EML6: variants seen among roughly 807,000 people sequenced by gnomAD.
EML6 encodes the protein echinoderm microtubule-associated protein-like 6.
A neutral mutation model predicts 240.1 loss-of-function variants in EML6; 154 were observed. The ratio of observed to expected loss-of-function variants is 0.64; its 90% CI spans 0.56 to 0.73. The LOEUF is 0.73. EML6 is among the 30% of genes least tolerant of loss of function. The pLI is 0.00. For missense variants in EML6, 2,964 were observed against 2,474.6 expected, an observed-to-expected ratio of 1.20 and a Z score of -4.20; for synonymous variants, 1,148 against 899.0, an observed-to-expected ratio of 1.28 and a Z score of -4.95.
intron 2 of EML6, among the ~76,000 whole-genome samples, chr2:54,790,933 G>A (rs1669411093): frequency 6.6e-6 from 1 of 151,772 alleles, no homozygotes; most frequent in South Asian, 2.1e-4. Flanking sequence ...CACCATGTTA[G>A]CCAGGATGGT....
At chr2:54,859,241 C>G (rs1161831781) in intron 11 of EML6, among the ~76,000 whole-genome samples, 17 of 152,132 alleles carry the variant, frequency 1.1e-4, no homozygotes. Context: ...GATGTTCATT[C>G]TCTGTCATTT....
Position 54,911,172 on chromosome 2 carries a change from C to G in EML6, c.3498+130C>G, listed in dbSNP as rs568385353. ...ATACCTTTAAGTTTGATCGTGTCTTCAATCTGATTGCTTAATCTGGTTTCC... is the reference window on the plus strand; with the variant it reads ...ATACCTTTAAGTTTGATCGTGTCTTGAATCTGATTGCTTAATCTGGTTTCC... On this transcript the variant is annotated intron_variant, in intron 25 of 41. Transcript: ENST00000356458. 2.8e-4 allele frequency: 145 copies of G among 521,396 alleles called. 3 individuals are homozygous for G. Among genetic ancestry groups the G allele is most frequent in the African/African-American group, 2.7e-3 (141 of 53,104 alleles). 32.3% of individuals were successfully genotyped at this position (521,396 alleles called of 1,614,324 possible).
Position 54,892,508 on chromosome 2 carries a change from C to T in EML6, c.2594C>T (p.Thr865Ile), listed in dbSNP as rs1558657352. 4 of 1,551,408 alleles carry T rather than the reference C, an allele frequency of 2.6e-6. No homozygotes were observed. Among genetic ancestry groups the T allele is most frequent in the Non-Finnish European group, 2.6e-6 (3 of 1,146,768 alleles). Residue 865 changes from threonine to isoleucine, a missense_variant, in exon 19 of 42, where the codon ACA becomes ATA. Physicochemically the swap from Thr to Ile is moderately conservative, Grantham distance 89 (BLOSUM62 -1). Transcript: ENST00000356458. ...GTFGSVGKLE[T>I]MMCVSYGRME... ...TTTGGAAGCGTTGGAAAATTGGAAACAATGATGTGTGTTTCTTACGGACGA... is the reference window on the plus strand; with the variant it reads ...TTTGGAAGCGTTGGAAAATTGGAAATAATGATGTGTGTTTCTTACGGACGA...
At chr2:54,833,091 C>T (rs1194174330) in intron 7 of EML6, among the ~76,000 whole-genome samples, 1 of 152,168 alleles carries the variant, frequency 6.6e-6, no homozygotes, top group Non-Finnish European at 1.5e-5. Flanking sequence ...TAATCATGGC[C>T]ACGGCCCAGT....
At chr2:54,836,443 T>C (rs1669147398) in intron 7 of EML6, among the ~76,000 whole-genome samples, 1 of 152,196 alleles carries the variant, frequency 6.6e-6, no homozygotes, top group African/African-American at 2.4e-5. Flanking sequence ...AAGAAATCTT[T>C]CCTATGAATT....
intron 26 of EML6, 26 bp downstream of exon 26, chr2:54,916,961 A>C: frequency 6.7e-7 from 1 of 1,500,614 alleles, no homozygotes; most frequent in Non-Finnish European, 9.1e-7. Flanking sequence ...TATTATCTTT[A>C]CTTGCTCAGT....
At chr2:54,911,819 T>C (rs1377795524) in intron 25 of EML6, among the ~76,000 whole-genome samples, 1 of 152,224 alleles carries the variant, frequency 6.6e-6, no homozygotes, top group Non-Finnish European at 1.5e-5. Flanking sequence ...CCATGTTTCC[T>C]CATGTCCTTA....
intron 2 of EML6, among the ~76,000 whole-genome samples, chr2:54,799,446 A>G (rs1023610866): frequency 5.3e-5 from 8 of 151,718 alleles, no homozygotes; most frequent in Non-Finnish European, 8.8e-5. Flanking sequence ...CCCTGATTCA[A>G]GCGATTCTCC....
chr2:54,737,689 C>T (rs994451639), intron 2 of EML6, among the ~76,000 whole-genome samples: 2 of 152,286 alleles, frequency 1.3e-5, no homozygotes, highest in Admixed American at 1.3e-4. Context: ...AACACAGCAG[C>T]CAGAGTTATC....
intron 26 of EML6, among the ~76,000 whole-genome samples, chr2:54,927,456 A>G (rs1674614753): frequency 6.6e-6 from 1 of 152,228 alleles, no homozygotes; most frequent in Non-Finnish European, 1.5e-5. Context: ...GTGGCCTTCC[A>G]TATTCTGTAA....
chr2:54,819,646 C>T (rs575338970), intron 4 of EML6, among the ~76,000 whole-genome samples: 26 of 151,884 alleles, frequency 1.7e-4, no homozygotes, highest in South Asian at 4.2e-4. Context: ...CGTGGTGGCA[C>T]GCGCCTGTAG....
intron 12 of EML6, 140 bp downstream of exon 12, chr2:54,859,841 G>A (rs1189296163): frequency 1.5e-6 from 1 of 683,574 alleles, no homozygotes; most frequent in East Asian, 3.1e-5. Flanking sequence ...TTTAAGATAA[G>A]AAGAAACTTT....
At chr2:54,829,224 A>G in intron 6 of EML6, 118 bp from the exon 7 acceptor site, 1 of 903,584 alleles carries the variant, frequency 1.1e-6, no homozygotes, top group South Asian at 1.9e-5. Context: ...TCAATAGAGA[A>G]CAAAGGGGTT....
intron 21 of EML6, among the ~76,000 whole-genome samples, chr2:54,896,537 T>A (rs1319136476): frequency 6.6e-6 from 1 of 152,122 alleles, no homozygotes; most frequent in East Asian, 1.9e-4. Context: ...CCTGCCCAGT[T>A]TGGTGATGGA....
At chr2:54,869,435 T>C in intron 15 of EML6, 68 bp downstream of exon 15, 5 of 1,219,764 alleles carry the variant, frequency 4.1e-6, no homozygotes, top group South Asian at 3.1e-5. Context: ...AGTTTACATA[T>C]TAGAAATTCA....
At position 54,961,188 on chromosome 2, in the gene EML6, T is replaced by TTTTTTTTTTTTGTTTTTTTTTTTTG. The variant is rs1558729603; in HGVS notation, c.4968+865_4968+866insGTTTTTTTTTTTTGTTTTTTTTTTT. ...CCTGGAAGTTATCAGGAAGTAGTTTTTTTTTTTTTTTTTTTGAGACGGAGT... is the reference window on the plus strand; with the variant it reads ...CCTGGAAGTTATCAGGAAGTAGTTTTTTTTTTTTTTTGTTTTTTTTTTTTGTTTTTTTTTTTTTTTGAGACGGAGT... On this transcript the variant is annotated intron_variant, in intron 35 of 41. Coordinates refer to ENST00000356458, the MANE Select transcript of EML6 (RefSeq NM_001039753.4). 3.2e-4 allele frequency among the ~76,000 whole-genome samples: 34 copies of TTTTTTTTTTTTGTTTTTTTTTTTTG among 106,722 alleles called. 6 individuals carry two copies. The highest frequency in any genetic ancestry group is 7.0e-4 in the Admixed American group (7 of 9,974). 70.0% of individuals were successfully genotyped at this position (106,722 alleles called of 152,430 possible).
At chr2:54,864,079 T>G (rs1448874411) in intron 13 of EML6, among the ~76,000 whole-genome samples, 190 bp downstream of exon 13, 1 of 152,188 alleles carries the variant, frequency 6.6e-6, no homozygotes, top group Non-Finnish European at 1.5e-5. Flanking sequence ...CCATTAAAAT[T>G]TATTTCAGCA....
chr2:54,816,901 A>G lies in EML6; in HGVS notation c.456+16A>G. On this transcript the variant is annotated intron_variant, in intron 4 of 41. Coordinates refer to ENST00000356458, the MANE Select transcript of EML6 (RefSeq NM_001039753.4). ...TTCTGACAGGGTAAGAACTTGTTGG[A>G]TCAAGCTATGCAGATTTCAGAACTT... is the stretch of plus-strand genomic sequence containing the variant. 1 of 1,523,314 alleles carries G rather than the reference A, an allele frequency of 6.6e-7. No homozygotes were observed. Among genetic ancestry groups the G allele is most frequent in the Non-Finnish European group, 8.9e-7 (1 of 1,121,152 alleles). 94.4% of individuals were successfully genotyped at this position (1,523,314 alleles called of 1,614,324 possible). A position where few individuals can be genotyped will look rare whatever the true frequency, so the allele number is the denominator to read the frequency against.
chr2:54,852,869 T>C (rs967310188), intron 10 of EML6, among the ~76,000 whole-genome samples: 1 of 152,224 alleles, frequency 6.6e-6, no homozygotes, highest in Non-Finnish European at 1.5e-5. Flanking sequence ...CTTTCCCAAA[T>C]GTATGTATGT....
Sources: allele counts gnomAD v4.1 joint callset (sites outside exome capture counted in the v4.1 genomes callset), GRCh38; gene constraint gnomAD v4.1.1; transcripts MANE v1.5; gene names NCBI Gene and HGNC (gene_info 2026-07-23, HGNC 2026-07-21).